Variants in AMZ2 observed in about 807,000 individuals in gnomAD.
AMZ2 encodes archaelysin family metallopeptidase 2, also known as archaemetzincin-2.
AMZ2 carries 26 observed loss-of-function variants against 36.7 expected under a neutral mutation model. That is an observed-to-expected ratio of 0.71 (90% CI 0.52 to 0.98). The LOEUF (loss-of-function observed/expected upper bound fraction) is 0.98. Among genes scored for constraint, AMZ2 ranks in the 50% least tolerant of loss-of-function variants. The pLI, the probability that AMZ2 is intolerant of heterozygous loss-of-function variation, is 0.00. For missense variants in AMZ2, 394 were observed against 430.5 expected, an observed-to-expected ratio of 0.92 and a Z score of 0.75; for synonymous variants, 144 against 149.1, an observed-to-expected ratio of 0.97 and a Z score of 0.25.
At chr17:68,237,447 G>C (rs2073813960) in intron 1 of AMZ2, among the ~76,000 whole-genome samples, 1 of 152,004 alleles carries the variant, frequency 6.6e-6, no homozygotes, top group Non-Finnish European at 1.5e-5. Context: ...ATCCACGCAA[G>C]TGTCATCTCT....
At chr17:68,206,179 A>C in exon 1 of AMZ2, 1 of 1,306,058 alleles carries the variant, frequency 7.7e-7, no homozygotes, top group Non-Finnish European at 9.8e-7. Context: ...GACGACGACG[A>C]CGCCAGTTAC....
chr17:68,236,226 C>T (rs1484944493), intron 1 of AMZ2, among the ~76,000 whole-genome samples: 6 of 152,028 alleles, frequency 3.9e-5, no homozygotes, highest in Non-Finnish European at 8.8e-5. Flanking sequence ...TTTATATATA[C>T]ATGTAAAATT....
chr17:68,255,615 G>C, intron 5 of AMZ2, 85 bp from the exon 6 acceptor site: 1 of 1,414,578 alleles, frequency 7.1e-7, no homozygotes, highest in South Asian at 1.3e-5. Flanking sequence ...TGATTCCTAT[G>C]TTTCTTGGAA....
At chr17:68,227,548 T>A (rs2073546316) in intron 1 of AMZ2, among the ~76,000 whole-genome samples, 1 of 152,172 alleles carries the variant, frequency 6.6e-6, no homozygotes, top group African/African-American at 2.4e-5. Flanking sequence ...GGAGAATCTG[T>A]TCCTGGTCTC....
At chr17:68,253,466 T>G (rs1555740916) in intron 4 of AMZ2, among the ~76,000 whole-genome samples, 2 of 152,330 alleles carry the variant, frequency 1.3e-5, no homozygotes, top group East Asian at 3.9e-4. Context: ...ATGGTTGATA[T>G]AACTCTAAAT....
intron 1 of AMZ2, among the ~76,000 whole-genome samples, chr17:68,222,374 A>C (rs1255891204): frequency 6.6e-6 from 1 of 152,232 alleles, no homozygotes; most frequent in Non-Finnish European, 1.5e-5. Flanking sequence ...CGTGGGTTGT[A>C]GGGAGATTGT....
chr17:68,246,271 G>A (rs2074008899), upstream of AMZ2, among the ~76,000 whole-genome samples: 1 of 151,466 alleles, frequency 6.6e-6, no homozygotes, highest in Non-Finnish European at 1.5e-5. Context: ...TGTAGACTGA[G>A]GCACGAGAAT....
At chr17:68,230,919 A>AT (rs1458541634) in intron 1 of AMZ2, among the ~76,000 whole-genome samples, 2 of 152,160 alleles carry the variant, frequency 1.3e-5, no homozygotes, top group African/African-American at 4.8e-5. Context: ...AGTTATGCTC[A>AT]TTTTTTATTG....
intron 1 of AMZ2, among the ~76,000 whole-genome samples, chr17:68,232,120 T>TTAA (rs2073679011): frequency 1.0e-5 from 1 of 100,392 alleles, no homozygotes; most frequent in Admixed American, 1.1e-4. Flanking sequence ...CTGAAGTTTG[T>TTAA]AAAAAAAAAA....
chr17:68,218,102 G>A (rs1258552993), intron 1 of AMZ2, among the ~76,000 whole-genome samples: 8 of 139,616 alleles, frequency 5.7e-5, no homozygotes, highest in African/African-American at 1.1e-4. Context: ...ATGAGCCACC[G>A]TGTCCGGCCA....
intron 1 of AMZ2, among the ~76,000 whole-genome samples, chr17:68,208,938 C>T (rs1300080882): frequency 6.2e-4 from 95 of 152,164 alleles, no homozygotes; most frequent in South Asian, 4.1e-4. Flanking sequence ...ACTCCGGACA[C>T]GCCGCCTTTA....
At chr17:68,234,178 A>C (rs1339654119) in intron 1 of AMZ2, among the ~76,000 whole-genome samples, 15 of 152,056 alleles carry the variant, frequency 9.9e-5, no homozygotes, top group African/African-American at 3.6e-4. Context: ...CTTAAAATAC[A>C]AAATTAGCTG....
chr17:68,248,404 GCT>G lies in AMZ2; in HGVS notation c.-301_-300del. On this transcript the variant is annotated 5_prime_UTR_variant, in exon 1 of 7. The change abolishes the stop of an existing upstream ORF in the 5' untranslated region. Transcript: ENST00000359904. ...TGGACCAGAGCCCACAGTGCGAGTT[GCT>G]ATAGGCAACCAGCCAGGGTGGCCAG... is the stretch of plus-strand genomic sequence containing the variant. 5.1e-6 allele frequency: 5 copies of G among 986,172 alleles called. No homozygotes were observed. The highest frequency in any genetic ancestry group is 6.0e-6 in the Non-Finnish European group (5 of 830,184). The allele number at this position is 986,172 out of a possible 1,614,324, so 61.1% of individuals were successfully genotyped here. A position where few individuals can be genotyped will look rare whatever the true frequency, so the allele number is the denominator to read the frequency against.
chr17:68,227,665 TCTC>T (rs1218654036), intron 1 of AMZ2, among the ~76,000 whole-genome samples: 1 of 152,146 alleles, frequency 6.6e-6, no homozygotes, highest in Admixed American at 6.6e-5. Context: ...CACACGGCCT[TCTC>T]CTCGGTGTGT....
At chr17:68,252,406 C>G (rs1400654916) in intron 4 of AMZ2, among the ~76,000 whole-genome samples, 1 of 152,222 alleles carries the variant, frequency 6.6e-6, no homozygotes, top group African/African-American at 2.4e-5. Context: ...TCACTACTTT[C>G]TTACTGATTT....
chr17:68,243,690 C>A (rs1173624615), upstream of AMZ2, among the ~76,000 whole-genome samples: 4 of 152,092 alleles, frequency 2.6e-5, no homozygotes, highest in Non-Finnish European at 5.9e-5. Context: ...CAGAAAGATT[C>A]GACCTGTTTA....
At chr17:68,230,588 A>T (rs111758481) in intron 1 of AMZ2, among the ~76,000 whole-genome samples, 1 of 152,162 alleles carries the variant, frequency 6.6e-6, no homozygotes, top group African/African-American at 2.4e-5. Context: ...TTCCAGGTGG[A>T]GTCTAACTCT....
intron 1 of AMZ2, chr17:68,206,362 G>C (rs1203782894): frequency 1.9e-6 from 2 of 1,035,738 alleles, no homozygotes; most frequent in East Asian, 7.7e-5. Context: ...CCCAAACAGA[G>C]GGGAAATGCG....
chr17:68,257,106 C>G lies in AMZ2; in HGVS notation c.*137C>G, dbSNP rs1457748518. On this transcript the variant is annotated 3_prime_UTR_variant, in exon 7 of 7. Transcript: ENST00000359904. Reference sequence around the variant, plus strand: ...CAGACTAGAACCTTCTTTCAAGTACCTGAATTGAAATGAAACTCATTTTGA... The same window carrying G: ...CAGACTAGAACCTTCTTTCAAGTACGTGAATTGAAATGAAACTCATTTTGA... The G allele has an allele frequency of 1.2e-6, 1 of 827,362 alleles. No homozygotes were observed. Among genetic ancestry groups the G allele is most frequent in the South Asian group, 2.1e-5 (1 of 48,778 alleles). The allele number at this position is 827,362 out of a possible 1,614,324, so 51.3% of individuals were successfully genotyped here.
Sources: gnomAD v4.1 joint callset for allele counts (sites outside exome capture counted in the v4.1 genomes callset) on GRCh38, gnomAD v4.1.1 for gene constraint, MANE v1.5 for transcripts, NCBI Gene and HGNC (gene_info 2026-07-23, HGNC 2026-07-21) for gene names.